Variants in MAGI2 observed in about 807,000 individuals in gnomAD.
The protein encoded by MAGI2 is membrane associated guanylate kinase, WW and PDZ domain containing 2, also known as membrane-associated guanylate kinase, WW and PDZ domain-containing protein 2.
Under a neutral mutation model 133.3 loss-of-function variants are expected in MAGI2, and 35 were observed. The observed-to-expected ratio is 0.26, with a 90% CI of 0.20 to 0.35. The LOEUF is 0.35. MAGI2 is among the 10% of genes least tolerant of loss of function. The pLI is 1.00. For synonymous variants in MAGI2, 729 were observed against 710.6 expected (o/e 1.03, Z -0.41); for missense variants, 1,636 against 1,863.4 (o/e 0.88, Z 2.25).
chr7:78,463,727 G>A (rs191618747), intron 6 of MAGI2, among the ~76,000 whole-genome samples: 10 of 152,276 alleles, frequency 6.6e-5, no homozygotes, highest in South Asian at 4.1e-4. Context: ...AAAGGCTTCC[G>A]TTTAGGAAGC....
intron 1 of MAGI2, chr7:79,124,967 G>T: frequency 7.0e-6 from 2 of 285,138 alleles, no homozygotes; most frequent in Non-Finnish European, 1.4e-5. Context: ...GCCACGAAAG[G>T]TGGAGGGAAG....
intron 6 of MAGI2, among the ~76,000 whole-genome samples, chr7:78,457,738 A>AT (rs1190083242): frequency 6.6e-6 from 1 of 152,180 alleles, no homozygotes; most frequent in Non-Finnish European, 1.5e-5. Context: ...AATCAATTCT[A>AT]TTTTTATAGA....
intron 1 of MAGI2, among the ~76,000 whole-genome samples, chr7:79,171,770 A>ATATATTTATTTTTTTTTTT: frequency 6.4e-5 from 2 of 31,204 alleles, no homozygotes; most frequent in Non-Finnish European, 1.1e-4. Context: ...ATATATATAT[A>ATATATTTATTTTTTTTTTT]TTTTTTTTTT....
At chr7:78,967,829 G>GT in intron 2 of MAGI2, among the ~76,000 whole-genome samples, 1 of 151,890 alleles carries the variant, frequency 6.6e-6, no homozygotes, top group East Asian at 2.0e-4. Context: ...ATTGACATTT[G>GT]TTTTTTGTTT....
At chr7:79,199,617 A>T (rs1452768981) in intron 1 of MAGI2, among the ~76,000 whole-genome samples, 1 of 152,076 alleles carries the variant, frequency 6.6e-6, no homozygotes, top group East Asian at 1.9e-4. Context: ...GTAAAAGTAA[A>T]TCCTTTATAA....
chr7:78,178,122 A>G lies in MAGI2; in HGVS notation c.2312-20T>C, dbSNP rs778970097. ...CTGGACCTGGCATAAAGGAGATCCC[A>G]TTGAGTAATGAATCCTGCCTCTTTC... On this transcript the variant is annotated intron_variant, in intron 13 of 21. Coordinates refer to ENST00000354212, the MANE Select transcript of MAGI2 (RefSeq NM_012301.4). 3.8e-5 allele frequency: 57 copies of G among 1,487,098 alleles called. No individual in the cohort carries two copies. Among genetic ancestry groups the G allele is most frequent in the Admixed American group, 5.0e-5 (3 of 59,734 alleles). 92.1% of individuals were successfully genotyped at this position (1,487,098 alleles called of 1,614,324 possible). A position where few individuals can be genotyped will look rare whatever the true frequency, so the allele number is the denominator to read the frequency against.
chr7:78,120,614 C>T (rs10236113), intron 20 of MAGI2, among the ~76,000 whole-genome samples: 104,483 of 151,258 alleles, frequency 0.69, 36,313 homozygotes, highest in African/African-American at 0.75. Flanking sequence ...ATAAAGAATC[C>T]ATATACAGAC....
At chr7:78,026,624 C>A (rs1296644832) in intron 21 of MAGI2, among the ~76,000 whole-genome samples, 1 of 151,800 alleles carries the variant, frequency 6.6e-6, no homozygotes, top group Non-Finnish European at 1.5e-5. Context: ...CAAGAAAACC[C>A]TTAGAAGGGA....
At chr7:79,002,722 ACAATTG>A (rs1337398865) in intron 2 of MAGI2, among the ~76,000 whole-genome samples, 6 of 152,056 alleles carry the variant, frequency 3.9e-5, no homozygotes, top group African/African-American at 1.4e-4. Flanking sequence ...GAGAAACTGC[ACAATTG>A]TCTTCTTAAG....
intron 1 of MAGI2, among the ~76,000 whole-genome samples, chr7:79,344,220 A>G (rs982952374): frequency 6.8e-6 from 1 of 146,838 alleles, no homozygotes; most frequent in African/African-American, 2.7e-5. Flanking sequence ...CACTGGTTAA[A>G]AAAAAAAAGG....
intron 2 of MAGI2, among the ~76,000 whole-genome samples, chr7:78,694,176 G>A (rs1310953879): frequency 1.3e-5 from 2 of 152,076 alleles, no homozygotes. Context: ...CAAATCCAAA[G>A]TACCTAGCAT....
chr7:78,630,878 G>A (rs986090929), intron 2 of MAGI2, among the ~76,000 whole-genome samples: 1 of 151,716 alleles, frequency 6.6e-6, no homozygotes, highest in South Asian at 2.1e-4. Context: ...ATCTTTCCTG[G>A]AGGCTTCTGA....
intron 2 of MAGI2, among the ~76,000 whole-genome samples, chr7:78,970,944 A>G (rs1459485360): frequency 6.6e-6 from 1 of 152,050 alleles, no homozygotes; most frequent in African/African-American, 2.4e-5. Flanking sequence ...TTTGACTTCC[A>G]TCAGCGCAGG....
At chr7:78,044,871 A>G (rs1392421653) in intron 21 of MAGI2, among the ~76,000 whole-genome samples, 1 of 152,254 alleles carries the variant, frequency 6.6e-6, no homozygotes, top group Non-Finnish European at 1.5e-5. Flanking sequence ...AGTCTGTCTC[A>G]GAAATCTAAG....
At chr7:78,644,997 A>G (rs1047689865) in intron 2 of MAGI2, among the ~76,000 whole-genome samples, 4 of 152,180 alleles carry the variant, frequency 2.6e-5, no homozygotes, top group Non-Finnish European at 4.4e-5. Context: ...TTATGCCAAT[A>G]TATTTGACAA....
intron 2 of MAGI2, among the ~76,000 whole-genome samples, chr7:78,895,007 G>A (rs996697303): frequency 6.6e-6 from 1 of 152,142 alleles, no homozygotes; most frequent in Non-Finnish European, 1.5e-5. Flanking sequence ...CAATGTAACA[G>A]TATTAAAAGG....
chr7:79,252,746 A>G (rs988955442), intron 1 of MAGI2, among the ~76,000 whole-genome samples: 2 of 152,184 alleles, frequency 1.3e-5, no homozygotes, highest in Non-Finnish European at 2.9e-5. Flanking sequence ...CTATGTACCC[A>G]CAAATATTAA....
At chr7:78,313,347 T>C (rs906704502) in intron 9 of MAGI2, among the ~76,000 whole-genome samples, 1 of 151,770 alleles carries the variant, frequency 6.6e-6, no homozygotes, top group Non-Finnish European at 1.5e-5. Context: ...TATATAAAAA[T>C]AAAAAATAAA....
chr7:79,066,218 A>G (rs528963412), intron 1 of MAGI2, among the ~76,000 whole-genome samples: 1 of 151,540 alleles, frequency 6.6e-6, no homozygotes, highest in African/African-American at 2.4e-5. Context: ...CCTCTCCAGC[A>G]TCTATTGTTT....
Sources: gnomAD v4.1 joint callset for allele counts (sites outside exome capture counted in the v4.1 genomes callset) on GRCh38, gnomAD v4.1.1 for gene constraint, MANE v1.5 for transcripts, NCBI Gene and HGNC (gene_info 2026-07-23, HGNC 2026-07-21) for gene names.